NTM: variants seen among roughly 807,000 people sequenced by gnomAD.
NTM encodes IgLON family member 2.
Under a neutral mutation model 42.1 loss-of-function variants are expected in NTM, and 13 were observed. That is an observed-to-expected ratio of 0.31 (90% CI 0.20 to 0.49). The LOEUF is 0.49. NTM is among the 20% of genes least tolerant of loss of function. The pLI is 0.99. For missense variants in NTM, 373 were observed against 452.8 expected, an observed-to-expected ratio of 0.82 and a Z score of 1.60; for synonymous variants, 187 against 179.2, an observed-to-expected ratio of 1.04 and a Z score of -0.35.
At chr11:132,130,277 T>C (rs1035885664) in intron 2 of NTM, among the ~76,000 whole-genome samples, 7 of 152,004 alleles carry the variant, frequency 4.6e-5, no homozygotes, top group African/African-American at 1.7e-4. Flanking sequence ...TTCAGCTTTG[T>C]TAGGGAGATG....
intron 1 of NTM, among the ~76,000 whole-genome samples, chr11:131,525,110 G>A (rs990415582): frequency 2.0e-5 from 3 of 152,106 alleles, no homozygotes; most frequent in Non-Finnish European, 2.9e-5. Flanking sequence ...AGACCTCTAC[G>A]CTTAATCTTG....
intron 4 of NTM, among the ~76,000 whole-genome samples, chr11:132,281,297 TCA>T (rs1393139044): frequency 1.3e-5 from 2 of 152,234 alleles, no homozygotes; most frequent in Non-Finnish European, 2.9e-5. Flanking sequence ...AGGAGTTTTC[TCA>T]CAGGGAAGTA....
chr11:131,723,073 G>T (rs2078558641), intron 1 of NTM, among the ~76,000 whole-genome samples: 1 of 152,344 alleles, frequency 6.6e-6, no homozygotes, highest in South Asian at 2.1e-4. Flanking sequence ...GTTGATGGCT[G>T]ATCTGAGACA....
At chr11:131,683,755 C>G (rs970808062) in intron 1 of NTM, among the ~76,000 whole-genome samples, 1 of 152,194 alleles carries the variant, frequency 6.6e-6, no homozygotes. Flanking sequence ...AGGGCGATGC[C>G]AAAGAGCAGG....
chr11:132,015,774 G>A (rs2073297210), intron 2 of NTM, among the ~76,000 whole-genome samples: 1 of 151,732 alleles, frequency 6.6e-6, no homozygotes, highest in Non-Finnish European at 1.5e-5. Context: ...TTTGTATTAT[G>A]CAACTTTACT....
intron 1 of NTM, among the ~76,000 whole-genome samples, chr11:131,558,607 T>C (rs1330191025): frequency 1.3e-5 from 2 of 152,198 alleles, no homozygotes; most frequent in Non-Finnish European, 2.9e-5. Context: ...GGTGATCCCC[T>C]GAGAAGTTTA....
chr11:132,271,906 T>G (rs2093497581), intron 4 of NTM, among the ~76,000 whole-genome samples: 1 of 152,140 alleles, frequency 6.6e-6, no homozygotes, highest in African/African-American at 2.4e-5. Flanking sequence ...AACTTATACA[T>G]TTTTTGTTGC....
chr11:131,809,293 G>A (rs140069409), intron 1 of NTM, among the ~76,000 whole-genome samples: 89 of 152,292 alleles, frequency 5.8e-4, no homozygotes, highest in African/African-American at 9.6e-4. Context: ...CATCCTCCCC[G>A]CACTGCCAGC....
chr11:132,301,095 G>T (rs2094831577), intron 4 of NTM, among the ~76,000 whole-genome samples: 1 of 152,172 alleles, frequency 6.6e-6, no homozygotes, highest in African/African-American at 2.4e-5. Context: ...AATTTATAAA[G>T]AAAAGAGGTT....
intron 1 of NTM, among the ~76,000 whole-genome samples, chr11:131,456,868 T>C (rs1242173430): frequency 6.6e-6 from 1 of 152,176 alleles, no homozygotes; most frequent in Non-Finnish European, 1.5e-5. Flanking sequence ...AAGCTTCCTG[T>C]GCTTTCCTAT....
At chr11:131,641,483 G>A (rs1017096617) in intron 1 of NTM, among the ~76,000 whole-genome samples, 2 of 152,182 alleles carry the variant, frequency 1.3e-5, no homozygotes, top group African/African-American at 4.8e-5. Flanking sequence ...GCCTCTCTGA[G>A]ACCTCCATGG....
Position 131,597,524 on chromosome 11 carries a change from C to T in NTM, c.82+226636C>T, listed in dbSNP as rs150539010. On this transcript the variant is annotated intron_variant, in intron 1 of 8. Coordinates refer to ENST00000683400, the MANE Select transcript of NTM (RefSeq NM_001352005.2). ...GGCCAAGGTCCTCTTTTATCCTACC[C>T]GGACATATCAAGGCCTAAGGCGCGC... is the stretch of plus-strand genomic sequence containing the variant. Among the ~76,000 whole-genome samples the T allele has an allele frequency of 3.6e-4, 55 of 152,276 alleles. No homozygotes were observed. The East Asian group carries it at 8.5e-3, about 24-fold the overall frequency.
intron 1 of NTM, among the ~76,000 whole-genome samples, chr11:131,383,664 A>G (rs2135538031): frequency 6.6e-6 from 1 of 152,274 alleles, no homozygotes; most frequent in Non-Finnish European, 1.5e-5. Context: ...AGGTAGGTAG[A>G]GGTCAGGGCT....
At chr11:131,860,403 C>G (rs1426165094) in intron 1 of NTM, among the ~76,000 whole-genome samples, 3 of 152,134 alleles carry the variant, frequency 2.0e-5, no homozygotes, top group Non-Finnish European at 4.4e-5. Flanking sequence ...AAGAGGGTCC[C>G]ACAGAGCCCA....
intron 8 of NTM, among the ~76,000 whole-genome samples, chr11:132,330,501 G>A (rs551390112): frequency 3.3e-5 from 5 of 152,216 alleles, no homozygotes; most frequent in East Asian, 1.9e-4. Context: ...CCTCACACAC[G>A]GATGCTCTAA....
intron 1 of NTM, among the ~76,000 whole-genome samples, chr11:131,824,494 A>T (rs2041902929): frequency 6.6e-6 from 1 of 152,234 alleles, no homozygotes; most frequent in African/African-American, 2.4e-5. Flanking sequence ...TAGAAAGCGT[A>T]AATCCTTAGC....
intron 7 of NTM, 91 bp downstream of exon 7, chr11:132,314,794 G>A (rs2095379892): frequency 6.9e-7 from 1 of 1,450,060 alleles, no homozygotes; most frequent in Non-Finnish European, 9.0e-7. Context: ...CAGGGTCAGA[G>A]GTTAGCAGGG....
At chr11:131,662,783 C>T (rs78512873) in intron 1 of NTM, among the ~76,000 whole-genome samples, 28 of 152,204 alleles carry the variant, frequency 1.8e-4, no homozygotes, top group African/African-American at 6.7e-4. Context: ...CCTCCTGGCT[C>T]CCTGTGGACC....
At chr11:131,646,914 A>T (rs2134286906) in intron 1 of NTM, among the ~76,000 whole-genome samples, 1 of 152,320 alleles carries the variant, frequency 6.6e-6, no homozygotes, top group Middle Eastern at 3.4e-3. Flanking sequence ...GGCCACATTC[A>T]CACTATAAAG....
Sources: gnomAD v4.1 joint callset for allele counts (sites outside exome capture counted in the v4.1 genomes callset) on GRCh38, gnomAD v4.1.1 for gene constraint, MANE v1.5 for transcripts, NCBI Gene and HGNC (gene_info 2026-07-23, HGNC 2026-07-21) for gene names.